The following MCM9 variants were observed in gnomAD, a reference collection of about 807,000 sequenced individuals.
MCM9 encodes the protein DNA helicase MCM9.
In MCM9, 55 loss-of-function variants were observed where a neutral mutation model predicts 72.8. The ratio of observed to expected loss-of-function variants is 0.76; its 90% CI spans 0.61 to 0.95. The LOEUF (loss-of-function observed/expected upper bound fraction) is 0.95. Ranked by LOEUF, MCM9 falls within the 40% of genes least tolerant of loss-of-function variation. The pLI is 0.00. For synonymous variants in MCM9, 480 were observed against 503.4 expected (o/e 0.95, Z 0.62); for missense variants, 1,279 against 1,377.0 (o/e 0.93, Z 1.13).
At chr6:118,848,839 T>C (rs1776049032) in intron 9 of MCM9, among the ~76,000 whole-genome samples, 2 of 152,088 alleles carry the variant, frequency 1.3e-5, no homozygotes, top group African/African-American at 4.8e-5. Flanking sequence ...GGAGAACTGC[T>C]TGAACCTGGG....
chr6:118,905,925 A>G (rs1780148392), intron 8 of MCM9: 5 of 921,174 alleles, frequency 5.4e-6, no homozygotes, highest in Non-Finnish European at 6.3e-6. Context: ...AATGGCTTTG[A>G]GATAAAATAA....
chr6:118,895,995 C>A (rs887297567), intron 8 of MCM9, among the ~76,000 whole-genome samples: 13 of 151,020 alleles, frequency 8.6e-5, no homozygotes, highest in African/African-American at 3.2e-4. Context: ...GTGCCTTGCC[C>A]TATCTCCTTT....
intron 7 of MCM9, 84 bp downstream of exon 7, chr6:118,913,211 C>T (rs903445937): frequency 1.9e-5 from 28 of 1,478,098 alleles, no homozygotes; most frequent in African/African-American, 7.0e-5. Context: ...TAAAACCCAA[C>T]GAGCAGTTTT....
intron 13 of MCM9, among the ~76,000 whole-genome samples, chr6:118,820,225 T>A (rs184578328): frequency 6.6e-6 from 1 of 152,306 alleles, no homozygotes; most frequent in East Asian, 1.9e-4. Context: ...GGGTGTCAAT[T>A]TTAGTTCTTT....
chr6:118,887,089 T>C (rs1203361759), intron 8 of MCM9, among the ~76,000 whole-genome samples: 1 of 152,230 alleles, frequency 6.6e-6, no homozygotes, highest in Non-Finnish European at 1.5e-5. Context: ...ATAGATTCAA[T>C]GCAATCCCTA....
rs925901090 is a variant in MCM9 at position 118,846,604 on chromosome 6, C to A, written c.1325+9767G>T. Reference sequence around the variant, plus strand: ...AGGATCCCGGAGTAGATAGAGGAGACCGGCAAGGGGCAAGAGTCGCCTGGA... The same window carrying A: ...AGGATCCCGGAGTAGATAGAGGAGAACGGCAAGGGGCAAGAGTCGCCTGGA... On this transcript the variant is annotated intron_variant, in intron 9 of 13. Transcript: ENST00000619706. 5.3e-4 allele frequency among the ~76,000 whole-genome samples: 80 copies of A among 151,578 alleles called. 3 individuals carry two copies. The highest frequency in any genetic ancestry group is 1.9e-3 in the African/African-American group (76 of 40,988).
Position 118,829,246 on chromosome 6 carries a change from C to A in MCM9, c.1330G>T (p.Val444Leu), listed in dbSNP as rs757364893. The A allele has an allele frequency of 1.3e-6, 2 of 1,548,038 alleles. No individual in the cohort carries two copies. Among genetic ancestry groups the A allele is most frequent in the Non-Finnish European group, 1.7e-6 (2 of 1,144,762 alleles). Residue 444 changes from valine (V) to leucine (L), a missense_variant, in exon 10 of 14, where the codon GTG becomes TTG. Coordinates refer to ENST00000619706, the MANE Select transcript of MCM9 (RefSeq NM_017696.3). ...QTISVAKAGL[V>L]CKLNTRTTIL... The stretch of plus-strand genomic sequence containing the variant: ...GTGGTCCTTGTGTTCAGCTTGCACA[C>A]GAGGCTGCCAGGAGAGACAGTACAA...
intron 2 of MCM9, 60 bp from the exon 3 acceptor site, chr6:118,931,798 A>T (rs1782460731): frequency 7.7e-7 from 1 of 1,294,994 alleles, no homozygotes; most frequent in Non-Finnish European, 1.0e-6. Flanking sequence ...CACACAATTT[A>T]ACAAAAACGA....
chr6:118,829,647 C>T (rs535576156), intron 9 of MCM9, among the ~76,000 whole-genome samples: 1 of 152,240 alleles, frequency 6.6e-6, no homozygotes, highest in African/African-American at 2.4e-5. Flanking sequence ...GTATATTCAT[C>T]TATGTGGATA....
intron 3 of MCM9, among the ~76,000 whole-genome samples, chr6:118,928,070 C>T (rs957546436): frequency 1.3e-5 from 2 of 152,196 alleles, no homozygotes; most frequent in Non-Finnish European, 2.9e-5. Context: ...CTCCTCTTCA[C>T]TCTGCTCCTC....
chr6:118,829,863 CGAAA>C (rs1774415321), intron 9 of MCM9, among the ~76,000 whole-genome samples: 1 of 149,430 alleles, frequency 6.7e-6, no homozygotes, highest in Admixed American at 6.6e-5. Flanking sequence ...TTTCTAAACA[CGAAA>C]GAAACAAAAA....
Position 118,816,247 on chromosome 6 carries a change from A to T in MCM9, c.2009T>A (p.Val670Glu), listed in dbSNP as rs1415010985. 2.6e-6 allele frequency: 4 copies of T among 1,549,330 alleles called. No individual in the cohort carries two copies. Among genetic ancestry groups the T allele is most frequent in the Admixed American group, 2.0e-5 (1 of 50,874 alleles). Reference sequence around the variant, plus strand: ...TCTCAAGGATCCTGGAGTAGTCTCTACCTCCAATACCCGTGGTTGGGATTG... The same window carrying T: ...TCTCAAGGATCCTGGAGTAGTCTCTTCCTCCAATACCCGTGGTTGGGATTG... ...VHQSQPRVLE[V>E]ETTPGSLRNG... Residue 670 changes from valine to glutamate, a missense_variant, in exon 14 of 14, where the codon GTA (valine) becomes GAA (glutamate). Physicochemically the swap from Val to Glu is moderately radical, Grantham distance 121 (BLOSUM62 -2). Coordinates refer to ENST00000619706, the MANE Select transcript of MCM9 (RefSeq NM_017696.3).
intron 8 of MCM9, among the ~76,000 whole-genome samples, chr6:118,874,116 A>T (rs1288413458): frequency 3.3e-5 from 5 of 152,064 alleles, no homozygotes; most frequent in Non-Finnish European, 7.4e-5. Flanking sequence ...TTAGATGGGC[A>T]TGGTGGTGCA....
intron 9 of MCM9, among the ~76,000 whole-genome samples, chr6:118,829,501 G>C (rs1774387751): frequency 6.6e-6 from 1 of 152,196 alleles, no homozygotes; most frequent in South Asian, 2.1e-4. Context: ...AGACCCCTTT[G>C]CTAAGTGCTA....
intron 9 of MCM9, among the ~76,000 whole-genome samples, chr6:118,843,702 A>ATG (rs1283768565): frequency 1.1e-4 from 5 of 44,826 alleles, no homozygotes; most frequent in African/African-American, 4.7e-4. Flanking sequence ...ATATATATAT[A>ATG]TGTATGTATA....
At chr6:118,850,518 T>C (rs567515485) in intron 9 of MCM9, among the ~76,000 whole-genome samples, 1 of 152,010 alleles carries the variant, frequency 6.6e-6, no homozygotes, top group East Asian at 1.9e-4. Context: ...AAAAAAGTAG[T>C]AACAGTGGCT....
intron 8 of MCM9, among the ~76,000 whole-genome samples, chr6:118,888,137 G>C (rs556765384): frequency 2.0e-5 from 3 of 152,218 alleles, no homozygotes; most frequent in African/African-American, 7.2e-5. Flanking sequence ...GTGTTGGTGG[G>C]AATGTGGAGA....
intron 10 of MCM9, among the ~76,000 whole-genome samples, 190 bp from the exon 11 acceptor site, chr6:118,828,320 C>A (rs544483761): frequency 2.5e-4 from 38 of 152,210 alleles, no homozygotes; most frequent in African/African-American, 8.7e-4. Flanking sequence ...AGGTAAGCTT[C>A]CTGCCTTTAT....
Position 118,917,654 on chromosome 6 carries a change from T to G in MCM9, c.811A>C (p.Asn271His), listed in dbSNP as rs1234247882. 1.9e-6 allele frequency: 3 copies of G among 1,614,218 alleles called. No individual in the cohort carries two copies. Among genetic ancestry groups the G allele is most frequent in the African/African-American group, 1.3e-5 (1 of 75,046 alleles). Reference sequence around the variant, plus strand: ...ATGATCCCTGAGGACTGCTCATTATTTACTTGGATGTAATTTGCTTTCAGG... The same window carrying G: ...ATGATCCCTGAGGACTGCTCATTATGTACTTGGATGTAATTTGCTTTCAGG... ...IVLKANYIQV[N>H]NEQSSGIIMD... Residue 271 changes from asparagine (N) to histidine (H), a missense_variant, in exon 6 of 14, where the codon AAT (asparagine) becomes CAT (histidine). Transcript: ENST00000619706.
Sources: allele counts gnomAD v4.1 joint callset (sites outside exome capture counted in the v4.1 genomes callset), GRCh38; gene constraint gnomAD v4.1.1; transcripts MANE v1.5; gene names NCBI Gene and HGNC (gene_info 2026-07-23, HGNC 2026-07-21).